The following C5orf24 variants were observed in gnomAD, a reference collection of about 807,000 sequenced individuals.
The protein encoded by C5orf24 is UPF0461 protein C5orf24.
C5orf24 carries 4 observed loss-of-function variants against 9.8 expected under a neutral mutation model. The ratio of observed to expected loss-of-function variants is 0.41; its 90% CI spans 0.20 to 0.93. C5orf24 has a LOEUF of 0.93. Ranked by LOEUF, C5orf24 falls within the 40% of genes least tolerant of loss-of-function variation. C5orf24 has a pLI of 0.33. For missense variants in C5orf24, 170 were observed against 236.9 expected (o/e 0.72, Z 1.85); for synonymous variants, 73 against 81.3 (o/e 0.90, Z 0.55).
chr5:134,856,460 G>A lies in C5orf24; in HGVS notation c.*993G>A, dbSNP rs548235586. On this transcript the variant is annotated 3_prime_UTR_variant, in exon 2 of 2. Coordinates refer to ENST00000394976, the MANE Select transcript of C5orf24 (RefSeq NM_001135586.1). The stretch of plus-strand genomic sequence containing the variant: ...GTTCAAGACTAGCCTGGCCAACATG[G>A]TGAAACCCCATCTCTACTAAAAATA... 1 of 367,888 alleles carries A rather than the reference G, an allele frequency of 2.7e-6. No individual in the cohort carries two copies. Among genetic ancestry groups the A allele is most frequent in the Non-Finnish European group, 4.0e-6 (1 of 253,078 alleles). The allele number at this position is 367,888 out of a possible 1,614,324, so 22.8% of individuals were successfully genotyped here.
rs1184073743 is a variant in C5orf24, at chr5:134,857,250, T to C, written c.*1783T>C. On this transcript the variant is annotated 3_prime_UTR_variant, in exon 2 of 2. Transcript: ENST00000394976. ...GTAGAATTGCAGGACCCAAAAACTT[T>C]TAAAATAATTAAAATTTTAAAAGAG... The C allele has an allele frequency of 2.2e-6, 3 of 1,358,112 alleles. No individual in the cohort carries two copies. Among genetic ancestry groups the C allele is most frequent in the Admixed American group, 3.1e-5 (1 of 32,000 alleles). 84.1% of individuals were successfully genotyped at this position (1,358,112 alleles called of 1,614,324 possible).
At chr5:134,841,656 CATCT>C, upstream of C5orf24, among the ~76,000 whole-genome samples, 1 of 152,160 alleles carries the variant, frequency 6.6e-6, no homozygotes, top group Admixed American at 6.5e-5. Context: ...CTTTACTTCA[CATCT>C]ATCTAACCCC....
intron 1 of C5orf24, among the ~76,000 whole-genome samples, chr5:134,848,105 G>A (rs1195374370): frequency 6.6e-6 from 1 of 152,030 alleles, no homozygotes; most frequent in East Asian, 1.9e-4. Context: ...GAGGTCAGGA[G>A]ATCGAGACCA....
chr5:134,838,864 C>T, the C5orf24 span, among the ~76,000 whole-genome samples: 2 of 152,020 alleles, frequency 1.3e-5, no homozygotes, highest in Non-Finnish European at 2.9e-5. Context: ...GAAAAAGCCT[C>T]TGCATTTGAC....
intron 1 of C5orf24, among the ~76,000 whole-genome samples, chr5:134,851,324 A>C (rs927942119): frequency 6.6e-6 from 1 of 152,206 alleles, no homozygotes; most frequent in African/African-American, 2.4e-5. Context: ...ATATTTGGTG[A>C]GGAAGAGGCT....
chr5:134,840,851 G>A (rs1755882346), upstream of C5orf24, among the ~76,000 whole-genome samples: 2 of 152,170 alleles, frequency 1.3e-5, no homozygotes, highest in Non-Finnish European at 2.9e-5. Flanking sequence ...GCTCATCTGA[G>A]CCTTGGTATC....
intron 1 of C5orf24, among the ~76,000 whole-genome samples, chr5:134,848,716 C>T (rs1756067667): frequency 6.9e-6 from 1 of 145,350 alleles, no homozygotes; most frequent in Non-Finnish European, 1.5e-5. Flanking sequence ...AATCCCAACA[C>T]TTTGGGAGCT....
rs1236972894 is a variant in C5orf24, at chr5:134,855,332, C to T, written c.432C>T (p.Ser144=). 2 of 1,614,164 alleles carry T rather than the reference C, an allele frequency of 1.2e-6. No homozygotes were observed. Among genetic ancestry groups the T allele is most frequent in the Admixed American group, 1.7e-5 (1 of 60,018 alleles). ...TCAGCCCAGGCAGACCTCCAGGTAG[C>T]ATTAAAGCTCTATCCCGTCTTGCCG... is the stretch of plus-strand genomic sequence containing the variant. ...YKVSPGRPPG[S]IKALSRLADL... Residue 144 remains serine (S), a synonymous_variant, in exon 2 of 2, where the codon AGC becomes AGT. Coordinates refer to ENST00000394976, the MANE Select transcript of C5orf24 (RefSeq NM_001135586.1).
upstream of C5orf24, among the ~76,000 whole-genome samples, chr5:134,843,337 A>G (rs1042387831): frequency 6.6e-6 from 1 of 152,230 alleles, no homozygotes; most frequent in African/African-American, 2.4e-5. Flanking sequence ...TTCAAGAACA[A>G]TATAACTTGT....
upstream of C5orf24, among the ~76,000 whole-genome samples, chr5:134,841,766 T>G (rs911167130): frequency 6.6e-6 from 1 of 152,166 alleles, no homozygotes; most frequent in African/African-American, 2.4e-5. Flanking sequence ...TTTCATTGAC[T>G]AGTGCAAGTC....
chr5:134,839,742 T>G, the C5orf24 span, among the ~76,000 whole-genome samples: 248 of 148,456 alleles, frequency 1.7e-3, 1 homozygote, highest in African/African-American at 6.0e-3. Context: ...CAAGCTGGAG[T>G]GCAATGGCGC....
chr5:134,850,563 T>C (rs907019828), intron 1 of C5orf24, among the ~76,000 whole-genome samples: 1 of 150,618 alleles, frequency 6.6e-6, no homozygotes, highest in Admixed American at 6.6e-5. Context: ...ACCTCCACCT[T>C]CTGGGTTCAA....
In C5orf24 at chr5:134,858,491, A is replaced by T. The variant is rs995075048; in HGVS notation, c.*3024A>T. On this transcript the variant is annotated 3_prime_UTR_variant, in exon 2 of 2. Coordinates refer to ENST00000394976, the MANE Select transcript of C5orf24 (RefSeq NM_001135586.1). ...GGGGAAAACTGGCCTTTTCTCCCCC[A>T]CTGTATGATTGTTTCTTGAAAGGTA... 1.2e-5 allele frequency: 2 copies of T among 166,982 alleles called. No individual in the cohort carries two copies. Among genetic ancestry groups the T allele is most frequent in the African/African-American group, 4.8e-5 (2 of 41,454 alleles). The allele number at this position is 166,982 out of a possible 1,614,324, so 10.3% of individuals were successfully genotyped here.
intron 1 of C5orf24, among the ~76,000 whole-genome samples, chr5:134,851,427 A>T (rs1379740709): frequency 6.7e-6 from 1 of 149,150 alleles, no homozygotes; most frequent in Non-Finnish European, 1.5e-5. Context: ...TGAAGGGTGG[A>T]TTCCCCGCCC....
upstream of C5orf24, among the ~76,000 whole-genome samples, chr5:134,845,188 C>G (rs1755960874): frequency 6.6e-6 from 1 of 152,178 alleles, no homozygotes; most frequent in African/African-American, 2.4e-5. Flanking sequence ...CTCCTCCTTT[C>G]TTTCCTACTG....
the C5orf24 span, among the ~76,000 whole-genome samples, chr5:134,835,203 TA>T: frequency 2.0e-5 from 3 of 150,792 alleles, no homozygotes; most frequent in African/African-American, 7.3e-5. Context: ...AAGACTGTCT[TA>T]AAAAAAAGTA....
At chr5:134,849,254 CA>C (rs368755064) in intron 1 of C5orf24, among the ~76,000 whole-genome samples, 49 of 140,166 alleles carry the variant, frequency 3.5e-4, no homozygotes, top group Non-Finnish European at 4.1e-4. Flanking sequence ...GACTTCGTCT[CA>C]AAAAAAAAAA....
At chr5:134,836,973 T>C in the C5orf24 span, among the ~76,000 whole-genome samples, 8 of 152,170 alleles carry the variant, frequency 5.3e-5, no homozygotes, top group Non-Finnish European at 1.2e-4. Context: ...ATGCTTTATC[T>C]GTTTTTTCTT....
the C5orf24 span, among the ~76,000 whole-genome samples, chr5:134,835,073 G>A: frequency 6.6e-6 from 1 of 151,768 alleles, no homozygotes; most frequent in African/African-American, 2.4e-5. Flanking sequence ...CGGCGTGGTG[G>A]TGTGCTCCTG....
Sources: allele counts gnomAD v4.1 joint callset (sites outside exome capture counted in the v4.1 genomes callset), GRCh38; gene constraint gnomAD v4.1.1; transcripts MANE v1.5; gene names NCBI Gene and HGNC (gene_info 2026-07-23, HGNC 2026-07-21).